Variants in POLR1A observed in about 807,000 individuals in gnomAD.
POLR1A encodes DNA-directed RNA polymerase I subunit RPA1.
Under a neutral mutation model 205.3 loss-of-function variants are expected in POLR1A, and 84 were observed. The ratio of observed to expected loss-of-function variants is 0.41; its 90% confidence interval spans 0.34 to 0.49. The LOEUF (loss-of-function observed/expected upper bound fraction) is 0.49, where lower values mean the gene tolerates loss of function less well. POLR1A is among the 20% of genes least tolerant of loss of function. The probability of loss-of-function intolerance (pLI) is 0.22; values close to 1 mark genes in which losing one functional copy is unlikely to be tolerated. For missense variants in POLR1A, 1,645 were observed against 2,204.5 expected (o/e 0.75, Z 5.08); for synonymous variants, 799 against 863.7 (o/e 0.93, Z 1.31).
rs1180935267 is a variant in POLR1A at position 86,031,615 on chromosome 2, T to C, written c.4293A>G (p.Glu1431=). ...QEEEVDYESE[E]EEEREGEEND... ...TCTCCTCGCCCTCCCTCTCCTCCTC[T>C]TCCTCACTCTCATAATCAACCTGGC... The change falls in exon 30 of 34, where the codon GAA becomes GAG. Residue 1431 remains glutamate, a synonymous_variant. Coordinates refer to ENST00000263857, the MANE Select transcript of POLR1A (RefSeq NM_015425.6). 3 of 1,611,928 alleles carry C rather than the reference T, an allele frequency of 1.9e-6. No individual in the cohort carries two copies. Among genetic ancestry groups the C allele is most frequent in the East Asian group, 4.5e-5 (2 of 44,860 alleles).
chr2:86,067,653 A>C (rs1242063159), intron 13 of POLR1A, among the ~76,000 whole-genome samples: 7 of 152,212 alleles, frequency 4.6e-5, no homozygotes, highest in Admixed American at 2.6e-4. Context: ...ATTATAAATA[A>C]AGAAATATGG....
intron 2 of POLR1A, among the ~76,000 whole-genome samples, chr2:86,099,076 C>A (rs1022214300): frequency 2.0e-5 from 3 of 152,004 alleles, no homozygotes; most frequent in East Asian, 1.9e-4. Flanking sequence ...TGGCTCATGC[C>A]CGTAATCCCA....
chr2:86,089,345 C>G (rs970162792), intron 4 of POLR1A, among the ~76,000 whole-genome samples: 6 of 152,196 alleles, frequency 3.9e-5, no homozygotes, highest in African/African-American at 1.4e-4. Flanking sequence ...CCACTTGGAC[C>G]CTACCCCAGA....
chr2:86,082,574 T>C (rs1673423822), intron 7 of POLR1A, among the ~76,000 whole-genome samples: 1 of 151,328 alleles, frequency 6.6e-6, no homozygotes, highest in Non-Finnish European at 1.5e-5. Flanking sequence ...TTTAACAACA[T>C]GTTCATTTGT....
intron 13 of POLR1A, among the ~76,000 whole-genome samples, chr2:86,066,134 G>T (rs553964238): frequency 6.6e-6 from 1 of 152,314 alleles, no homozygotes; most frequent in Admixed American, 6.5e-5. Flanking sequence ...CCTCTCCGAA[G>T]GGCAGTTTCA....
Position 86,054,265 on chromosome 2 carries a change from T to C in POLR1A, c.2083A>G (p.Ile695Val). 1 of 1,614,118 alleles carries C rather than the reference T, an allele frequency of 6.2e-7. No homozygotes were observed. The highest frequency in any genetic ancestry group is 8.5e-7 in the Non-Finnish European group (1 of 1,179,992). ...AGTGGGATGTGGTCCTCTGGGATTA[T>C]ATTTATGAGCAGCGTTGACACAACC... Reference protein sequence around the residue: ...KQVVSTLLINIIPEDHIPLNL... With the variant: ...KQVVSTLLINVIPEDHIPLNL... The change falls in exon 15 of 34, where the codon ATA becomes GTA. Residue 695 changes from isoleucine (I) to valine (V), a missense_variant. By Grantham distance (29) the Ile-to-Val change is conservative. Coordinates refer to ENST00000263857, the MANE Select transcript of POLR1A (RefSeq NM_015425.6).
Position 86,100,035 on chromosome 2 carries a change from C to T in POLR1A, c.215G>A (p.Ser72Asn). ...GTGGCCCAGGTGCCCAGAACAGTTGCTGAAGTCCTGCACGCAGGTGGAGCA... is the reference window on the plus strand; with the variant it reads ...GTGGCCCAGGTGCCCAGAACAGTTGTTGAAGTCCTGCACGCAGGTGGAGCA... ...EVCSTCVQDF[S>N]NCSGHLGHIE... Residue 72 changes from serine to asparagine, a missense_variant, in exon 2 of 34, where the codon AGC becomes AAC. By Grantham distance (46) the Ser-to-Asn change is conservative. Around this residue, in one of 16 missense-constraint regions of POLR1A, gnomAD observed 330 missense variants for 375.6 expected, o/e 0.88. Coordinates refer to ENST00000263857, the MANE Select transcript of POLR1A (RefSeq NM_015425.6). 1.2e-6 allele frequency: 2 copies of T among 1,614,182 alleles called. No homozygotes were observed. Among genetic ancestry groups the T allele is most frequent in the South Asian group, 2.2e-5 (2 of 91,088 alleles).
intron 23 of POLR1A, 21 bp downstream of exon 23, chr2:86,042,953 G>A: frequency 6.4e-7 from 1 of 1,574,618 alleles, no homozygotes; most frequent in Non-Finnish European, 8.7e-7. Flanking sequence ...GGACATTAAG[G>A]ACACCACCTC....
rs1259904621 is a variant in POLR1A at position 86,100,296 on chromosome 2, ATCTG to A, written c.78-128_78-125del. ...CTGCTTGATAGCTCTGGAGGGCACA[ATCTG>A]TCTTTCTCACTAGTGTACCCCAACA... On this transcript the variant is annotated intron_variant, in intron 1 of 33. Transcript: ENST00000263857. 5 of 723,120 alleles carry A rather than the reference ATCTG, an allele frequency of 6.9e-6. 1 individual carries two copies. Among genetic ancestry groups the A allele is most frequent in the South Asian group, 3.4e-5 (2 of 58,100 alleles). The allele number at this position is 723,120 out of a possible 1,614,324, so 44.8% of individuals were successfully genotyped here.
At chr2:86,063,633 G>A (rs1314778847) in intron 14 of POLR1A, among the ~76,000 whole-genome samples, 1 of 152,042 alleles carries the variant, frequency 6.6e-6, no homozygotes, top group Non-Finnish European at 1.5e-5. Flanking sequence ...TTAGCAAATT[G>A]AATTCAATAA....
In POLR1A at chr2:86,073,738, C is replaced by G. The variant is rs141499195; in HGVS notation, c.1611+1292G>C. Among the ~76,000 whole-genome samples, 81 of 152,314 alleles carry G rather than the reference C, an allele frequency of 5.3e-4. No homozygotes were observed. The East Asian group carries it at 0.015, about 28-fold the overall frequency. On this transcript the variant is annotated intron_variant, in intron 12 of 33. Coordinates refer to ENST00000263857, the MANE Select transcript of POLR1A (RefSeq NM_015425.6). Reference sequence around the variant, plus strand: ...TGTCAACTCCAGGGTGGCGAGGATCCGTCTGCAGGGACTGCAAAGTGCTAG... The same window carrying G: ...TGTCAACTCCAGGGTGGCGAGGATCGGTCTGCAGGGACTGCAAAGTGCTAG...
intron 3 of POLR1A, among the ~76,000 whole-genome samples, chr2:86,097,737 T>C (rs1420828554): frequency 6.6e-6 from 1 of 151,808 alleles, no homozygotes; most frequent in Non-Finnish European, 1.5e-5. Flanking sequence ...AGAGGCTGAG[T>C]AGGGTAGGGA....
rs368683257 is a variant in POLR1A, at chr2:86,056,775, G to A, written c.2059-2486C>T. Reference sequence around the variant, plus strand: ...CCTGTGCCTATAAGTGGAACAAAGCGTGGGTGACTGCACATCTGTTTACAG... The same window carrying A: ...CCTGTGCCTATAAGTGGAACAAAGCATGGGTGACTGCACATCTGTTTACAG... On this transcript the variant is annotated intron_variant, in intron 14 of 33. Transcript: ENST00000263857. 1.8e-4 allele frequency among the ~76,000 whole-genome samples: 28 copies of A among 152,240 alleles called. No individual in the cohort carries two copies. In the East Asian group the frequency reaches 1.9e-3, roughly 10 times the overall value.
At chr2:86,059,283 T>C (rs1234659088) in intron 14 of POLR1A, among the ~76,000 whole-genome samples, 1 of 152,194 alleles carries the variant, frequency 6.6e-6, no homozygotes. Context: ...TTGCCATATT[T>C]AGAGTGTGTT....
rs757210116 is a variant in POLR1A, at chr2:86,097,214, C to CAAAAAAAAAAAAAAAAAAA, written c.432+1378_432+1396dup. On this transcript the variant is annotated intron_variant, in intron 3 of 33. Transcript: ENST00000263857. ...CATTAGGATGGCTATCCCCAAAAGA[C>CAAAAAAAAAAAAAAAAAAA]AAAAAAAAAAAAAAAAAAAAAAAAA... Among the ~76,000 whole-genome samples, 218 of 39,692 alleles carry CAAAAAAAAAAAAAAAAAAA rather than the reference C, an allele frequency of 5.5e-3. 76 individuals are homozygous for CAAAAAAAAAAAAAAAAAAA. The highest frequency in any genetic ancestry group is 8.2e-3 in the East Asian group (8 of 976). The allele number at this position is 39,692 out of a possible 152,430, so 26.0% of individuals were successfully genotyped here.
Position 86,088,601 on chromosome 2 carries a change from T to C in POLR1A, c.695A>G (p.His232Arg), listed in dbSNP as rs761638561. 5 of 1,613,852 alleles carry C rather than the reference T, an allele frequency of 3.1e-6. No homozygotes were observed. The highest frequency in any genetic ancestry group is 4.2e-6 in the Non-Finnish European group (5 of 1,179,800). ...KLTITFPAMV[H>R]RTAGQKDSEP... ...AGAGTCCTTCTGGCCAGCTGTCCTG[T>C]GCACCATGGCTGGAAACGTGATAGT... is the stretch of plus-strand genomic sequence containing the variant. Residue 232 changes from histidine (H) to arginine (R), a missense_variant, in exon 6 of 34, where the codon CAC (histidine) becomes CGC (arginine). Transcript: ENST00000263857.
intron 14 of POLR1A, among the ~76,000 whole-genome samples, chr2:86,064,409 T>C (rs960461156): frequency 1.3e-5 from 2 of 152,138 alleles, no homozygotes; most frequent in Non-Finnish European, 2.9e-5. Flanking sequence ...AGAACATATT[T>C]TACTGTTTTT....
At chr2:86,046,085 G>C (rs923674833) in intron 19 of POLR1A, among the ~76,000 whole-genome samples, 2 of 152,164 alleles carry the variant, frequency 1.3e-5, no homozygotes, top group Admixed American at 1.3e-4. Context: ...TGGGGAAAGA[G>C]AGGCCTGCAG....
intron 21 of POLR1A, 131 bp downstream of exon 21, chr2:86,045,147 G>A (rs540828365): frequency 7.8e-6 from 5 of 638,622 alleles, no homozygotes; most frequent in Admixed American, 2.7e-5. Context: ...TCTGTCTCAG[G>A]CCATTCATGG....
Sources: allele counts gnomAD v4.1 joint callset (sites outside exome capture counted in the v4.1 genomes callset), GRCh38; gene constraint gnomAD v4.1.1; regional missense constraint gnomAD v4.1.1; transcripts MANE v1.5; gene names NCBI Gene and HGNC (gene_info 2026-07-23, HGNC 2026-07-21).